ROR1: variants seen among roughly 807,000 people sequenced by gnomAD.
The protein encoded by ROR1 is inactive tyrosine-protein kinase transmembrane receptor ROR1.
In ROR1, 19 loss-of-function variants were observed where a neutral mutation model predicts 78.8. The observed-to-expected ratio is 0.24, with a 90% CI of 0.17 to 0.35. ROR1 has a LOEUF of 0.35. Among genes scored for constraint, ROR1 ranks in the 10% least tolerant of loss-of-function variants. The probability of loss-of-function intolerance (pLI) is 1.00; values close to 1 mark genes in which losing one functional copy is unlikely to be tolerated. For synonymous variants in ROR1, 386 were observed against 433.6 expected (o/e 0.89, Z 1.36); for missense variants, 917 against 1,177.8 (o/e 0.78, Z 3.24).
chr1:64,014,740 C>CTATATACATATATATATATATA (rs1482272108), intron 2 of ROR1, among the ~76,000 whole-genome samples: 1 of 29,048 alleles, frequency 3.4e-5, no homozygotes, highest in African/African-American at 1.1e-4. Flanking sequence ...CATACGCACA[C>CTATATACATATATATATATATA]TATATATATA....
chr1:63,898,027 TCATTCTGTTGTCTGCTACATTTAG>T (rs1645454150), intron 1 of ROR1, among the ~76,000 whole-genome samples: 1 of 152,144 alleles, frequency 6.6e-6, no homozygotes, highest in Non-Finnish European at 1.5e-5. Flanking sequence ...TGGCCGGAGC[TCATTCTGTTGTCTGCTACATTTAG>T]ACAACTGGAG....
rs957935525 is a variant in ROR1 at position 64,178,880 on chromosome 1, T to C, written c.*25T>C. 5.2e-6 allele frequency: 8 copies of C among 1,547,742 alleles called. No individual in the cohort carries two copies. The highest frequency in any genetic ancestry group is 4.6e-5 in the South Asian group (4 of 86,328). ...AAATGCACAACTTTTGTAAATGTGGTATACAGGACAAACTAGACGGCCGTA... is the reference window on the plus strand; with the variant it reads ...AAATGCACAACTTTTGTAAATGTGGCATACAGGACAAACTAGACGGCCGTA... On this transcript the variant is annotated 3_prime_UTR_variant, in exon 9 of 9. Coordinates refer to ENST00000371079, the MANE Select transcript of ROR1 (RefSeq NM_005012.4). The surrounding 1 kb of genome is among the most constrained non-coding windows in gnomAD (Gnocchi z 4.3).
At chr1:64,000,440 G>A (rs1238612370) in intron 1 of ROR1, among the ~76,000 whole-genome samples, 4 of 152,122 alleles carry the variant, frequency 2.6e-5, no homozygotes, top group African/African-American at 4.8e-5. Flanking sequence ...TGGCACCATG[G>A]ATGAATGAGG....
intron 2 of ROR1, among the ~76,000 whole-genome samples, chr1:64,014,779 T>TA (rs1477385352): frequency 2.2e-5 from 2 of 89,250 alleles, no homozygotes; most frequent in African/African-American, 3.8e-5. Context: ...TATATACACA[T>TA]TTTGTCCTGG....
rs760355948 is a variant in ROR1 at position 64,178,769 on chromosome 1, T to G, written c.2728T>G (p.Tyr910Asp). 6.2e-7 allele frequency: 1 copy of G among 1,614,114 alleles called. No individual in the cohort carries two copies. The highest frequency in any genetic ancestry group is 1.6e-4 in the Middle Eastern group (1 of 6,062). Residue 910 changes from tyrosine (Y) to aspartate (D), a missense_variant, in exon 9 of 9, where the codon TAC (tyrosine) becomes GAC (aspartate). Transcript: ENST00000371079. This position sits in a 1 kb window ranked among gnomAD's most constrained non-coding sequence, Gnocchi z 4.3. Reference sequence around the variant, plus strand: ...TTTTGGCAACAAATCTCAAAAACCCTACAAAATTGACTCAAAGCAAGCATC... The same window carrying G: ...TTTTGGCAACAAATCTCAAAAACCCGACAAAATTGACTCAAAGCAAGCATC... ...TVFGNKSQKP[Y>D]KIDSKQASLL...
intron 1 of ROR1, among the ~76,000 whole-genome samples, chr1:63,871,648 A>G (rs1294048971): frequency 6.6e-6 from 1 of 152,186 alleles, no homozygotes; most frequent in Non-Finnish European, 1.5e-5. Context: ...GCTCCAGGAG[A>G]CATTTGCCTT....
At chr1:63,864,422 G>A (rs1423984965) in intron 1 of ROR1, among the ~76,000 whole-genome samples, 1 of 152,182 alleles carries the variant, frequency 6.6e-6, no homozygotes. Context: ...ATGCACAGGT[G>A]TTCTCAGTCT....
chr1:64,021,578 A>G lies in ROR1; in HGVS notation c.163+12202A>G, dbSNP rs1646565634. 3.9e-5 allele frequency among the ~76,000 whole-genome samples: 6 copies of G among 152,326 alleles called. No homozygotes were observed. In the South Asian group the frequency reaches 1.2e-3, roughly 32 times the overall value. ...TTTCACAGGCAGGAAAACAAGTTCA[A>G]GGTAAAGTGACGCAGCTAGTAAATG... On this transcript the variant is annotated intron_variant, in intron 2 of 8. Coordinates refer to ENST00000371079, the MANE Select transcript of ROR1 (RefSeq NM_005012.4).
chr1:63,991,969 T>G (rs1177744320), intron 1 of ROR1, among the ~76,000 whole-genome samples: 2 of 152,198 alleles, frequency 1.3e-5, no homozygotes, highest in African/African-American at 4.8e-5. Flanking sequence ...GAAAGGAGAA[T>G]GTAAACACCT....
chr1:63,982,284 G>A (rs2100510504), intron 1 of ROR1, among the ~76,000 whole-genome samples: 1 of 152,300 alleles, frequency 6.6e-6, no homozygotes. Flanking sequence ...AAATGGGGAT[G>A]GTAATAACAG....
At chr1:63,873,181 A>T (rs1464749490) in intron 1 of ROR1, among the ~76,000 whole-genome samples, 1 of 152,082 alleles carries the variant, frequency 6.6e-6, no homozygotes, top group Non-Finnish European at 1.5e-5. Flanking sequence ...TTAGTTCTGG[A>T]GTCATCAAGG....
intron 4 of ROR1, among the ~76,000 whole-genome samples, chr1:64,086,331 C>T (rs1296594792): frequency 6.6e-6 from 1 of 152,198 alleles, no homozygotes. Flanking sequence ...TATTCCAAGT[C>T]CAGGTCTTTT....
intron 1 of ROR1, among the ~76,000 whole-genome samples, chr1:63,782,789 C>T (rs1313917147): frequency 6.6e-6 from 1 of 152,098 alleles, no homozygotes; most frequent in African/African-American, 2.4e-5. Context: ...TGTAGAGAAT[C>T]TAGAAGAATG....
intron 1 of ROR1, among the ~76,000 whole-genome samples, chr1:63,853,036 ATGT>A (rs1048061047): frequency 9.2e-5 from 14 of 152,290 alleles, no homozygotes; most frequent in Middle Eastern, 6.8e-3. Context: ...TAAGACTGAG[ATGT>A]TGTATCATTA....
In ROR1 at chr1:63,843,113, G is replaced by A. The variant is rs559791368; in HGVS notation, c.91+68605G>A. The A allele has an allele frequency of 6.8e-4, 431 of 636,864 alleles. 3 individuals are homozygous for A. Among genetic ancestry groups the A allele is most frequent in the South Asian group, 6.3e-3 (372 of 58,650 alleles). 39.5% of individuals were successfully genotyped at this position (636,864 alleles called of 1,614,324 possible). On this transcript the variant is annotated intron_variant, in intron 1 of 8. Transcript: ENST00000371079. ...GGATCCCCCCAGCCCCTCTGGTCTG[G>A]GAGGAAGGGGACGGCCTGCAACCCC... is the stretch of plus-strand genomic sequence containing the variant.
At chr1:63,962,005 T>C (rs1473754475) in intron 1 of ROR1, among the ~76,000 whole-genome samples, 1 of 152,106 alleles carries the variant, frequency 6.6e-6, no homozygotes, top group Non-Finnish European at 1.5e-5. Flanking sequence ...AAAATAAAAT[T>C]ACCCAGCACT....
At chr1:63,858,618 G>A (rs1645162175) in intron 1 of ROR1, among the ~76,000 whole-genome samples, 1 of 152,172 alleles carries the variant, frequency 6.6e-6, no homozygotes, top group Non-Finnish European at 1.5e-5. Context: ...AGTGTACTTT[G>A]TATTTAAATC....
chr1:64,140,376 C>G lies in ROR1; in HGVS notation c.878C>G (p.Ala293Gly). The change falls in exon 6 of 9, where the codon GCT (alanine) becomes GGT (glycine). Residue 293 changes from alanine (A) to glycine (G), a missense_variant. By Grantham distance (60) the Ala-to-Gly change is moderately conservative. Coordinates refer to ENST00000371079, the MANE Select transcript of ROR1 (RefSeq NM_005012.4). ...CTCCCCCAGCCAGAGAGCCCAGAAG[C>G]TGCGAACTGTATCCGGATTGGAATT... is the stretch of plus-strand genomic sequence containing the variant. ...EDLPQPESPEAANCIRIGIPM... is the reference protein window; with the variant it reads ...EDLPQPESPEGANCIRIGIPM... 6.2e-7 allele frequency: 1 copy of G among 1,613,626 alleles called. No individual in the cohort carries two copies. Among genetic ancestry groups the G allele is most frequent in the Non-Finnish European group, 8.5e-7 (1 of 1,179,852 alleles).
intron 4 of ROR1, among the ~76,000 whole-genome samples, chr1:64,136,473 G>A (rs1302016189): frequency 6.6e-6 from 1 of 151,878 alleles, no homozygotes; most frequent in African/African-American, 2.4e-5. Flanking sequence ...GAAACAGCTG[G>A]ATGTTCTGCA....
Sources: allele counts gnomAD v4.1 joint callset (sites outside exome capture counted in the v4.1 genomes callset), GRCh38; gene constraint gnomAD v4.1.1; non-coding constraint Gnocchi (gnomAD v3.1); transcripts MANE v1.5; gene names NCBI Gene and HGNC (gene_info 2026-07-23, HGNC 2026-07-21).